Variants in AGPS observed in about 807,000 individuals in gnomAD.
The protein encoded by AGPS is alkylglycerone phosphate synthase.
In AGPS, 26 loss-of-function variants were observed where a neutral mutation model predicts 90.7. That is an observed-to-expected ratio of 0.29 (90% CI 0.21 to 0.40). The LOEUF (loss-of-function observed/expected upper bound fraction) is 0.40, where lower values mean the gene tolerates loss of function less well. Among genes scored for constraint, AGPS ranks in the 10% least tolerant of loss-of-function variants. AGPS has a pLI of 1.00. For missense variants in AGPS, 540 were observed against 816.1 expected (o/e 0.66, Z 4.12); for synonymous variants, 294 against 285.3 (o/e 1.03, Z -0.31).
intron 10 of AGPS, among the ~76,000 whole-genome samples, chr2:177,470,276 A>G (rs1236802058): frequency 6.6e-6 from 1 of 152,186 alleles, no homozygotes; most frequent in Non-Finnish European, 1.5e-5. Flanking sequence ...AGTTCGAGAG[A>G]TAATTTGGTC....
At chr2:177,469,687 G>C (rs1473374538) in intron 10 of AGPS, among the ~76,000 whole-genome samples, 1 of 152,138 alleles carries the variant, frequency 6.6e-6, no homozygotes, top group Non-Finnish European at 1.5e-5. Context: ...CTACAAATTA[G>C]AGGAATGTAA....
intron 2 of AGPS, 39 bp downstream of exon 2, chr2:177,420,397 T>A: frequency 7.0e-7 from 1 of 1,431,994 alleles, no homozygotes; most frequent in Non-Finnish European, 9.8e-7. Flanking sequence ...CCTCCTTTAA[T>A]TCTTTCTTTC....
At chr2:177,420,163 G>A in intron 1 of AGPS, 106 bp from the exon 2 acceptor site, 1 of 729,602 alleles carries the variant, frequency 1.4e-6, no homozygotes, top group Non-Finnish European at 2.4e-6. Flanking sequence ...CAATATTTGT[G>A]GGCATAAGGT....
chr2:177,406,900 C>T (rs950790397), intron 1 of AGPS, among the ~76,000 whole-genome samples: 1 of 152,192 alleles, frequency 6.6e-6, no homozygotes, highest in Non-Finnish European at 1.5e-5. Context: ...ATTTTACCAT[C>T]TTCCAAAGAA....
At chr2:177,447,383 G>T (rs1284308151) in intron 8 of AGPS, among the ~76,000 whole-genome samples, 1 of 152,074 alleles carries the variant, frequency 6.6e-6, no homozygotes, top group Non-Finnish European at 1.5e-5. Context: ...CAGATAAATA[G>T]ATTTATCAAT....
chr2:177,445,574 A>C lies in AGPS; in HGVS notation c.818A>C (p.Asn273Thr). The C allele has an allele frequency of 6.2e-7, 1 of 1,614,024 alleles. No individual in the cohort carries two copies. The highest frequency in any genetic ancestry group is 8.5e-7 in the Non-Finnish European group (1 of 1,179,908). ...CGAATTCTCTGGGTTGATGAGAACAATTTGACAGCTCATGTAGAGGCTGGC... is the reference window on the plus strand; with the variant it reads ...CGAATTCTCTGGGTTGATGAGAACACTTTGACAGCTCATGTAGAGGCTGGC... ...MNRILWVDENNLTAHVEAGIT... is the reference protein window; with the variant it reads ...MNRILWVDENTLTAHVEAGIT... The change falls in exon 8 of 20, where the codon AAT (asparagine) becomes ACT (threonine). Residue 273 changes from asparagine to threonine, a missense_variant. By Grantham distance (65) the Asn-to-Thr change is moderately conservative. Coordinates refer to ENST00000264167, the MANE Select transcript of AGPS (RefSeq NM_003659.4).
intron 16 of AGPS, among the ~76,000 whole-genome samples, chr2:177,513,559 A>G (rs1014248124): frequency 2.6e-5 from 4 of 152,210 alleles, no homozygotes; most frequent in African/African-American, 7.2e-5. Flanking sequence ...AGGAAACCAC[A>G]TTCAGGAGAC....
At chr2:177,415,326 G>C (rs1326316736) in intron 1 of AGPS, among the ~76,000 whole-genome samples, 1 of 152,114 alleles carries the variant, frequency 6.6e-6, no homozygotes, top group Non-Finnish European at 1.5e-5. Flanking sequence ...TGTATAGTTG[G>C]GTCATAGAAT....
At chr2:177,482,533 T>C (rs547564491) in intron 11 of AGPS, among the ~76,000 whole-genome samples, 16 of 152,158 alleles carry the variant, frequency 1.1e-4, no homozygotes, top group African/African-American at 3.8e-4. Flanking sequence ...TTGGGTAAGA[T>C]ATTTTATGAT....
chr2:177,405,685 T>TG (rs1685450428), intron 1 of AGPS, among the ~76,000 whole-genome samples: 1 of 151,462 alleles, frequency 6.6e-6, no homozygotes, highest in South Asian at 2.1e-4. Flanking sequence ...TTTTTTTTTT[T>TG]TTTCCCACCT....
chr2:177,401,512 A>G, intron 1 of AGPS, among the ~76,000 whole-genome samples: 1 of 152,110 alleles, frequency 6.6e-6, no homozygotes. Flanking sequence ...ACTGAGTGGT[A>G]AAGCTTAAAT....
At chr2:177,494,159 T>C (rs928192620) in intron 12 of AGPS, among the ~76,000 whole-genome samples, 1 of 152,164 alleles carries the variant, frequency 6.6e-6, no homozygotes, top group African/African-American at 2.4e-5. Context: ...CAGTAATAAA[T>C]ACTAAAGGCA....
chr2:177,450,028 G>A (rs945429856), intron 8 of AGPS, among the ~76,000 whole-genome samples: 1 of 151,906 alleles, frequency 6.6e-6, no homozygotes, highest in African/African-American at 2.4e-5. Flanking sequence ...TAGTAGAGAC[G>A]GGTTTTCACC....
At chr2:177,397,674 C>T (rs1685222778) in intron 1 of AGPS, among the ~76,000 whole-genome samples, 1 of 152,080 alleles carries the variant, frequency 6.6e-6, no homozygotes, top group South Asian at 2.1e-4. Context: ...ATTAAGAACG[C>T]CACTAATTGT....
At chr2:177,427,784 A>G (rs1022419785) in intron 2 of AGPS, among the ~76,000 whole-genome samples, 5 of 152,060 alleles carry the variant, frequency 3.3e-5, no homozygotes, top group Non-Finnish European at 1.5e-5. Flanking sequence ...TGTTGTGGCG[A>G]TGAGAAAAAT....
intron 10 of AGPS, among the ~76,000 whole-genome samples, chr2:177,472,519 A>G (rs996241004): frequency 1.3e-5 from 2 of 151,966 alleles, no homozygotes; most frequent in African/African-American, 4.8e-5. Flanking sequence ...AGCTTTCTTC[A>G]GGATCGTGGC....
intron 8 of AGPS, among the ~76,000 whole-genome samples, chr2:177,453,111 A>G (rs752480767): frequency 2.6e-5 from 4 of 151,998 alleles, no homozygotes; most frequent in Non-Finnish European, 4.4e-5. Flanking sequence ...TTTTTAAAAA[A>G]GATATTTGAA....
chr2:177,531,885 G>A (rs1013591555), intron 19 of AGPS, among the ~76,000 whole-genome samples: 2 of 151,884 alleles, frequency 1.3e-5, no homozygotes, highest in African/African-American at 4.8e-5. Flanking sequence ...GCAATCTAGC[G>A]GAGGAAGCAT....
chr2:177,398,238 T>C (rs1685240069), intron 1 of AGPS, among the ~76,000 whole-genome samples: 1 of 152,212 alleles, frequency 6.6e-6, no homozygotes, highest in African/African-American at 2.4e-5. Context: ...AATTCGAGCT[T>C]ATTTTGGTAG....
Sources: allele counts gnomAD v4.1 joint callset (sites outside exome capture counted in the v4.1 genomes callset), GRCh38; gene constraint gnomAD v4.1.1; transcripts MANE v1.5; gene names NCBI Gene and HGNC (gene_info 2026-07-23, HGNC 2026-07-21).